The following SLC16A12 variants were observed in gnomAD, a reference collection of about 807,000 sequenced individuals.
The protein encoded by SLC16A12 is solute carrier family 16 member 12.
In SLC16A12, 17 loss-of-function variants were observed where a neutral mutation model predicts 42.4. That is an observed-to-expected ratio of 0.40 (90% confidence interval 0.27 to 0.60). SLC16A12 has a LOEUF of 0.60. Among genes scored for constraint, SLC16A12 ranks in the 20% least tolerant of loss-of-function variants. SLC16A12 has a pLI of 0.42. For synonymous variants in SLC16A12, 224 were observed against 229.4 expected (o/e 0.98, Z 0.21); for missense variants, 544 against 623.0 (o/e 0.87, Z 1.35).
intron 2 of SLC16A12, among the ~76,000 whole-genome samples, chr10:89,529,110 C>G (rs1843500781): frequency 2.0e-5 from 3 of 152,162 alleles, no homozygotes. Context: ...TGAGATTTAA[C>G]TTTGTCGTGA....
chr10:89,488,932 T>C (rs540968352), intron 2 of SLC16A12, among the ~76,000 whole-genome samples: 24 of 152,338 alleles, frequency 1.6e-4, no homozygotes, highest in Middle Eastern at 3.4e-3. Context: ...GGAGTGGCTT[T>C]ATCAGAGCTA....
chr10:89,469,963 GC>G (rs1189283858), intron 2 of SLC16A12, among the ~76,000 whole-genome samples: 1 of 152,134 alleles, frequency 6.6e-6, no homozygotes, highest in Non-Finnish European at 1.5e-5. Context: ...CATGAAATTT[GC>G]CAGTCTCCTT....
At chr10:89,449,374 T>C (rs537410078) in intron 3 of SLC16A12, among the ~76,000 whole-genome samples, 2 of 152,252 alleles carry the variant, frequency 1.3e-5, no homozygotes, top group East Asian at 3.9e-4. Flanking sequence ...AAGGCTACAG[T>C]AACCAAAGCA....
At chr10:89,439,981 G>C (rs1341263095) in intron 5 of SLC16A12, among the ~76,000 whole-genome samples, 1 of 149,998 alleles carries the variant, frequency 6.7e-6, no homozygotes, top group Non-Finnish European at 1.5e-5. Context: ...AGGCTGAAGG[G>C]GGAGGATGGC....
intron 2 of SLC16A12, among the ~76,000 whole-genome samples, chr10:89,502,642 G>A (rs1384553999): frequency 6.6e-6 from 1 of 152,158 alleles, no homozygotes; most frequent in East Asian, 1.9e-4. Flanking sequence ...CTTGAGCCTT[G>A]AGGACTATAG....
chr10:89,445,795 T>C (rs1841990623), intron 3 of SLC16A12, among the ~76,000 whole-genome samples: 1 of 152,006 alleles, frequency 6.6e-6, no homozygotes, highest in African/African-American at 2.4e-5. Flanking sequence ...AGGTCAGTAC[T>C]AACAAACTTC....
At chr10:89,539,355 G>A (rs1206785476), upstream of SLC16A12, among the ~76,000 whole-genome samples, 1 of 149,144 alleles carries the variant, frequency 6.7e-6, no homozygotes, top group Admixed American at 6.7e-5. Flanking sequence ...TCAGAATTGA[G>A]TACTATTTGT....
intron 2 of SLC16A12, among the ~76,000 whole-genome samples, chr10:89,487,372 A>T (rs56908797): frequency 0.068 from 10,338 of 152,230 alleles, 507 homozygotes; most frequent in East Asian, 0.21. Flanking sequence ...GAGAAAAGGG[A>T]ACTCTCATAC....
chr10:89,539,958 CTTCT>C (rs149678617), upstream of SLC16A12, among the ~76,000 whole-genome samples: 1,784 of 122,410 alleles, frequency 0.015, 51 homozygotes, highest in African/African-American at 0.06. Context: ...CTCTTTCTTT[CTTCT>C]TTCTTTCTTT....
At chr10:89,462,786 T>G in intron 2 of SLC16A12, 162 bp from the exon 3 acceptor site, 1 of 750,200 alleles carries the variant, frequency 1.3e-6, no homozygotes, top group South Asian at 2.5e-5. Context: ...TGGTACATGC[T>G]TTCTTTTTTA....
intron 2 of SLC16A12, among the ~76,000 whole-genome samples, chr10:89,505,120 C>A (rs1843040086): frequency 6.6e-6 from 1 of 152,148 alleles, no homozygotes; most frequent in Non-Finnish European, 1.5e-5. Context: ...CAATAAAAAT[C>A]ATCCACATCT....
chr10:89,443,933 G>C lies in SLC16A12; in HGVS notation c.201-74C>G. On this transcript the variant is annotated intron_variant, in intron 3 of 7. Transcript: ENST00000371790. The stretch of plus-strand genomic sequence containing the variant: ...ATTTGAGCCAGAACTTAAAATGTTT[G>C]GTTCAATTAGCTGCTCCTGTTTCCA... 3 of 936,222 alleles carry C rather than the reference G, an allele frequency of 3.2e-6. No individual in the cohort carries two copies. The South Asian group carries it at 4.1e-5, about 13-fold the overall frequency. The allele number at this position is 936,222 out of a possible 1,614,324, so 58.0% of individuals were successfully genotyped here.
At chr10:89,523,587 T>A (rs1843397388) in intron 2 of SLC16A12, among the ~76,000 whole-genome samples, 1 of 152,242 alleles carries the variant, frequency 6.6e-6, no homozygotes, top group South Asian at 2.1e-4. Flanking sequence ...TGCTTCTTAG[T>A]TTCTTTCGCT....
chr10:89,461,744 A>C (rs1171406699), intron 3 of SLC16A12, among the ~76,000 whole-genome samples: 4 of 152,242 alleles, frequency 2.6e-5, no homozygotes, highest in Non-Finnish European at 5.9e-5. Context: ...CTGGAGAAAC[A>C]CACTTGTAGA....
chr10:89,554,084 G>GAAAGAAAGA (rs1843790164), intron 2 of SLC16A12, among the ~76,000 whole-genome samples: 1 of 102,450 alleles, frequency 9.8e-6, no homozygotes, highest in African/African-American at 3.3e-5. Flanking sequence ...AAGAAAGAAA[G>GAAAGAAAGA]AAAGAAAGAA....
At chr10:89,537,992 T>G (rs1040694542), upstream of SLC16A12, among the ~76,000 whole-genome samples, 1 of 152,228 alleles carries the variant, frequency 6.6e-6, no homozygotes, top group South Asian at 2.1e-4. Context: ...GTGAGTGCAA[T>G]GCGTATAGGC....
At chr10:89,509,383 AG>A (rs1236576763) in intron 2 of SLC16A12, among the ~76,000 whole-genome samples, 2 of 152,204 alleles carry the variant, frequency 1.3e-5, no homozygotes, top group African/African-American at 2.4e-5. Flanking sequence ...CACATCAAAA[AG>A]CTTATCCGCC....
chr10:89,520,434 A>G (rs777569545), intron 2 of SLC16A12, among the ~76,000 whole-genome samples: 4 of 152,188 alleles, frequency 2.6e-5, no homozygotes, highest in Non-Finnish European at 5.9e-5. Flanking sequence ...TACAAATTCA[A>G]GCTTGACTTC....
chr10:89,498,092 A>G (rs1842948051), intron 2 of SLC16A12, among the ~76,000 whole-genome samples: 2 of 152,304 alleles, frequency 1.3e-5, no homozygotes, highest in South Asian at 4.1e-4. Context: ...GGCAGAGCCC[A>G]CAAGTTCAAG....
Sources: allele counts gnomAD v4.1 joint callset (sites outside exome capture counted in the v4.1 genomes callset), GRCh38; gene constraint gnomAD v4.1.1; transcripts MANE v1.5; gene names NCBI Gene and HGNC (gene_info 2026-07-23, HGNC 2026-07-21).